CAMKK1: variants seen among roughly 807,000 people sequenced by gnomAD.
The protein encoded by CAMKK1 is calcium/calmodulin-dependent protein kinase kinase 1.
Under a neutral mutation model 63.5 loss-of-function variants are expected in CAMKK1, and 20 were observed. The observed-to-expected ratio is 0.32, with a 90% CI of 0.22 to 0.46. The LOEUF (loss-of-function observed/expected upper bound fraction) is 0.46. CAMKK1 is among the 20% of genes least tolerant of loss of function. The pLI is 1.00. For missense variants in CAMKK1, 588 were observed against 658.1 expected (o/e 0.89, Z 1.17); for synonymous variants, 253 against 269.0 (o/e 0.94, Z 0.58).
At chr17:3,867,241 C>T (rs940114902) in intron 14 of CAMKK1, among the ~76,000 whole-genome samples, 6 of 152,220 alleles carry the variant, frequency 3.9e-5, no homozygotes, top group African/African-American at 4.8e-5. Context: ...GAGCGAGTCC[C>T]GTGGCCATCG....
intron 13 of CAMKK1, 49 bp from the exon 14 acceptor site, chr17:3,869,664 C>T: frequency 6.2e-7 from 1 of 1,613,384 alleles, no homozygotes; most frequent in African/African-American, 1.3e-5. Flanking sequence ...AGGCCATTAC[C>T]AGAATCACCT....
intron 15 of CAMKK1, chr17:3,865,301 A>C (rs888312424): frequency 1.0e-6 from 1 of 986,830 alleles, no homozygotes; most frequent in Admixed American, 6.0e-5. Flanking sequence ...GCCCTCGGCC[A>C]ATGCGGGTTC....
chr17:3,872,481 G>T, intron 12 of CAMKK1, 73 bp downstream of exon 12: 1 of 1,331,724 alleles, frequency 7.5e-7, no homozygotes, highest in Non-Finnish European at 1.1e-6. Flanking sequence ...TCCTCAGAGG[G>T]CAAAAGCTCT....
rs1469538277 is a variant in CAMKK1 at position 3,890,231 on chromosome 17, G to C, written c.-44+2708C>G. 6.6e-6 allele frequency among the ~76,000 whole-genome samples: 1 copy of C among 152,160 alleles called. No homozygotes were observed. The highest frequency in any genetic ancestry group is 6.5e-5 in the Admixed American group (1 of 15,286). ...CCCGGGATGACTCAGTCCCCTTGAG[G>C]GAGGCCCAGGCGTCTGGTGCCAAGT... On this transcript the variant is annotated intron_variant, in intron 1 of 15. Transcript: ENST00000348335. This position sits in a 1 kb window ranked among gnomAD's most constrained non-coding sequence, Gnocchi z 6.5.
rs1242366953 is a variant in CAMKK1 at position 3,863,116 on chromosome 17, TA to T, written c.1446-834del. ...CCTCCCAAAATGTCTCTTTTTAAAA[TA>T]ACCAGTAAATGGGTTTTGATATCTT... On this transcript the variant is annotated intron_variant, in intron 15 of 15. Coordinates refer to ENST00000348335, the MANE Select transcript of CAMKK1 (RefSeq NM_032294.3). 3.3e-5 allele frequency among the ~76,000 whole-genome samples: 5 copies of T among 152,370 alleles called. No individual in the cohort carries two copies. In the East Asian group the frequency reaches 9.6e-4, roughly 29 times the overall value.
intron 8 of CAMKK1, among the ~76,000 whole-genome samples, 183 bp from the exon 9 acceptor site, chr17:3,880,617 T>G (rs760015698): frequency 1.3e-5 from 2 of 152,250 alleles, no homozygotes; most frequent in African/African-American, 4.8e-5. Flanking sequence ...ATTTCAATCA[T>G]AATTTCAAAT....
chr17:3,876,048 C>G (rs959997814), intron 10 of CAMKK1, among the ~76,000 whole-genome samples, 175 bp downstream of exon 10: 1 of 152,196 alleles, frequency 6.6e-6, no homozygotes, highest in African/African-American at 2.4e-5. Context: ...GACCACTTTG[C>G]TGGAAAACAG....
rs941601973 is a variant in CAMKK1 at position 3,860,920 on chromosome 17, T to C, written c.*1291A>G. 1 of 152,230 alleles carries C rather than the reference T, an allele frequency of 6.6e-6. No homozygotes were observed. Among genetic ancestry groups the C allele is most frequent in the Non-Finnish European group, 1.5e-5 (1 of 68,046 alleles). The allele number at this position is 152,230 out of a possible 1,614,324, so 9.4% of individuals were successfully genotyped here. On this transcript the variant is annotated 3_prime_UTR_variant, in exon 16 of 16. Transcript: ENST00000348335. ...ACCCACACCTGTGGCCAAAAGCCCT[T>C]GTCCATCCATGTTTCCAGGGCAGTG...
intron 10 of CAMKK1, among the ~76,000 whole-genome samples, chr17:3,873,961 C>T (rs565633304): frequency 2.6e-4 from 40 of 152,180 alleles, no homozygotes; most frequent in Non-Finnish European, 2.5e-4. Context: ...CTCCTCTGGG[C>T]TCCCAAACAC....
Position 3,884,320 on chromosome 17 carries a change from G to A in CAMKK1, c.408+60C>T. 1.3e-6 allele frequency: 2 copies of A among 1,564,030 alleles called. No individual in the cohort carries two copies. The highest frequency in any genetic ancestry group is 2.2e-5 in the East Asian group (1 of 44,624). ...TCCCGTTCCCTCCCACACGAGAGAA[G>A]GAGCAGCGCCAAACAGAGAATCCCG... is the stretch of plus-strand genomic sequence containing the variant. On this transcript the variant is annotated intron_variant, in intron 3 of 15. Transcript: ENST00000348335. This position sits in a 1 kb window ranked among gnomAD's most constrained non-coding sequence, Gnocchi z 4.5.
Position 3,884,297 on chromosome 17 carries a change from C to T in CAMKK1, c.408+83G>A. On this transcript the variant is annotated intron_variant, in intron 3 of 15. Coordinates refer to ENST00000348335, the MANE Select transcript of CAMKK1 (RefSeq NM_032294.3). This position sits in a 1 kb window ranked among gnomAD's most constrained non-coding sequence, Gnocchi z 4.5. ...GCTAGGACTTGCCTGGCTCTGCCTC[C>T]CGTTCCCTCCCACACGAGAGAAGGA... is the stretch of plus-strand genomic sequence containing the variant. 2.0e-6 allele frequency: 3 copies of T among 1,472,730 alleles called. No individual in the cohort carries two copies. Among genetic ancestry groups the T allele is most frequent in the East Asian group, 2.3e-5 (1 of 44,112 alleles). 91.2% of individuals were successfully genotyped at this position (1,472,730 alleles called of 1,614,324 possible).
At chr17:3,876,454 G>A (rs1304866719) in intron 9 of CAMKK1, 32 bp from the exon 10 acceptor site, 3 of 1,596,328 alleles carry the variant, frequency 1.9e-6, no homozygotes, top group East Asian at 2.2e-5. Context: ...GCTGAGCGCT[G>A]GCCTGGGCAC....
In CAMKK1 at chr17:3,861,684, C is replaced by G. The variant is rs907782725; in HGVS notation, c.*527G>C. On this transcript the variant is annotated 3_prime_UTR_variant, in exon 16 of 16. Coordinates refer to ENST00000348335, the MANE Select transcript of CAMKK1 (RefSeq NM_032294.3). ...GAATTCTCCAACACTGGCCCTGTCC[C>G]CAGTGAGGGGTCCGAGCCCCCATAC... 2 of 156,568 alleles carry G rather than the reference C, an allele frequency of 1.3e-5. No individual in the cohort carries two copies. Among genetic ancestry groups the G allele is most frequent in the African/African-American group, 4.8e-5 (2 of 41,562 alleles). The allele number at this position is 156,568 out of a possible 1,614,324, so 9.7% of individuals were successfully genotyped here.
chr17:3,873,890 C>G (rs1304733311), intron 10 of CAMKK1, among the ~76,000 whole-genome samples: 1 of 152,192 alleles, frequency 6.6e-6, no homozygotes, highest in East Asian at 1.9e-4. Flanking sequence ...ATATTGCAAA[C>G]AGCCCCTGCC....
At chr17:3,886,211 C>T (rs1180987832) in intron 1 of CAMKK1, among the ~76,000 whole-genome samples, 2 of 152,198 alleles carry the variant, frequency 1.3e-5, no homozygotes, top group Non-Finnish European at 2.9e-5. Flanking sequence ...GCTTCAGACC[C>T]ACCCGCCTCC....
intron 9 of CAMKK1, among the ~76,000 whole-genome samples, chr17:3,876,799 C>T (rs1159280467): frequency 1.3e-5 from 2 of 150,340 alleles, no homozygotes; most frequent in African/African-American, 2.5e-5. Flanking sequence ...ACTCTGTCCC[C>T]CAGGCTGGAG....
At position 3,862,270 on chromosome 17, in the gene CAMKK1, C is replaced by G. The variant is rs373181676; in HGVS notation, c.1459G>C (p.Gly487Arg). 4.4e-6 allele frequency: 7 copies of G among 1,586,732 alleles called. No individual in the cohort carries two copies. The African/African-American group carries it at 9.4e-5, about 21-fold the overall frequency. Residue 487 changes from glycine (G) to arginine (R), a missense_variant, in exon 16 of 16, where the codon GGT becomes CGT. Coordinates refer to ENST00000348335, the MANE Select transcript of CAMKK1 (RefSeq NM_032294.3). The surrounding 1 kb of genome is among the most constrained non-coding windows in gnomAD (Gnocchi z 4.1). ...AGCTCTGGGCTCTTGCCCCCTTCACCAAACCCTTCTTTCCTGTTCAGGGGA... is the reference window on the plus strand; with the variant it reads ...AGCTCTGGGCTCTTGCCCCCTTCACGAAACCCTTCTTTCCTGTTCAGGGGA... ...PGNLLVKEGF[G>R]EGGKSPELPG...
Position 3,883,143 on chromosome 17 carries a change from G to A in CAMKK1, c.547C>T (p.Gln183Ter), listed in dbSNP as rs2055489600. The A allele has an allele frequency of 6.2e-7, 1 of 1,612,294 alleles. No homozygotes were observed. The highest frequency in any genetic ancestry group is 1.1e-5 in the South Asian group (1 of 91,076). The part of the protein sequence containing the change: ...RPPPRGSQAA[Q>*]GGPAKQLLPL... ...AGCAGCTGCTTGGCTGGTCCTCCCTGGGCAGCCTGGGACCCTCTCGGGGGA... is the reference window on the plus strand; with the variant it reads ...AGCAGCTGCTTGGCTGGTCCTCCCTAGGCAGCCTGGGACCCTCTCGGGGGA... The change falls in exon 6 of 16, where the codon CAG (glutamine) becomes TAG (stop). Residue 183 changes from glutamine (Q) to a stop codon, truncating the protein, a stop_gained. Coordinates refer to ENST00000348335, the MANE Select transcript of CAMKK1 (RefSeq NM_032294.3). LOFTEE classifies it high-confidence loss of function. The surrounding 1 kb of genome is among the most constrained non-coding windows in gnomAD (Gnocchi z 4.7).
At chr17:3,877,479 C>A (rs1223253465) in intron 9 of CAMKK1, among the ~76,000 whole-genome samples, 3 of 152,188 alleles carry the variant, frequency 2.0e-5, no homozygotes, top group Non-Finnish European at 4.4e-5. Flanking sequence ...AGACAATGAC[C>A]CCACTGACCC....
Sources: allele counts gnomAD v4.1 joint callset (sites outside exome capture counted in the v4.1 genomes callset), GRCh38; gene constraint gnomAD v4.1.1; non-coding constraint Gnocchi (gnomAD v3.1); transcripts MANE v1.5; gene names NCBI Gene and HGNC (gene_info 2026-07-23, HGNC 2026-07-21).